Variants in PPIL2 observed in about 807,000 individuals in gnomAD.
PPIL2 encodes RING-type E3 ubiquitin-protein ligase PPIL2.
PPIL2 carries 50 observed loss-of-function variants against 75.2 expected under a neutral mutation model. The ratio of observed to expected loss-of-function variants is 0.66; its 90% CI spans 0.53 to 0.84. PPIL2 has a LOEUF of 0.84. Among genes scored for constraint, PPIL2 ranks in the 40% least tolerant of loss-of-function variants. The probability of loss-of-function intolerance (pLI) is 0.00; values close to 1 mark genes in which losing one functional copy is unlikely to be tolerated. For missense variants in PPIL2, 590 were observed against 685.0 expected, an observed-to-expected ratio of 0.86 and a Z score of 1.55; for synonymous variants, 245 against 258.8, an observed-to-expected ratio of 0.95 and a Z score of 0.51.
intron 6 of PPIL2, among the ~76,000 whole-genome samples, chr22:21,679,731 A>C (rs1235539738): frequency 1.3e-5 from 2 of 151,862 alleles, no homozygotes; most frequent in Non-Finnish European, 2.9e-5. Context: ...GCCACCTCTA[A>C]CTTGAGGCTC....
intron 1 of PPIL2, among the ~76,000 whole-genome samples, chr22:21,669,015 A>AT (rs71318713): frequency 7.6e-4 from 104 of 137,264 alleles, no homozygotes; most frequent in East Asian, 4.8e-3. Flanking sequence ...CTGGCCCTCT[A>AT]TTTTTTTTTT....
chr22:21,669,337 C>A (rs569224169), intron 1 of PPIL2: 13 of 451,932 alleles, frequency 2.9e-5, no homozygotes, highest in Non-Finnish European at 5.3e-5. Flanking sequence ...CTTGTAGAGA[C>A]AGATTCTCGC....
At chr22:21,669,795 C>T (rs1453580587) in intron 1 of PPIL2, 118 bp from the exon 2 acceptor site, 16 of 1,093,798 alleles carry the variant, frequency 1.5e-5, no homozygotes, top group Non-Finnish European at 2.0e-5. Context: ...CCACCGTGCC[C>T]GCCCCATAGT....
At chr22:21,674,320 GAC>G (rs1342584515) in intron 5 of PPIL2, among the ~76,000 whole-genome samples, 1 of 152,164 alleles carries the variant, frequency 6.6e-6, no homozygotes, top group East Asian at 1.9e-4. Context: ...CTGTACTGCA[GAC>G]ACACCACAGA....
chr22:21,693,666 A>G (rs1397498606), intron 15 of PPIL2, 150 bp from the exon 16 acceptor site: 1 of 767,732 alleles, frequency 1.3e-6, no homozygotes, highest in Admixed American at 2.0e-5. Context: ...CCTGGTGGGC[A>G]GCGCAGGGAA....
chr22:21,689,328 A>G (rs1309928614), intron 15 of PPIL2, among the ~76,000 whole-genome samples: 2 of 152,218 alleles, frequency 1.3e-5, no homozygotes, highest in Non-Finnish European at 2.9e-5. Context: ...GGATGCCTGT[A>G]TTGTGGAAGA....
intron 1 of PPIL2, among the ~76,000 whole-genome samples, chr22:21,666,454 A>C (rs1035801089): frequency 1.3e-5 from 2 of 152,068 alleles, no homozygotes; most frequent in Admixed American, 6.6e-5. Flanking sequence ...TCCGTACTTC[A>C]CGTCTCGCTG....
At chr22:21,681,712 C>T (rs1040740177) in intron 7 of PPIL2, among the ~76,000 whole-genome samples, 49 of 152,374 alleles carry the variant, frequency 3.2e-4, no homozygotes, top group African/African-American at 1.2e-3. Flanking sequence ...GTTTTGAGGA[C>T]AGGCCTCTAG....
At chr22:21,692,360 T>A (rs564066242) in intron 15 of PPIL2, among the ~76,000 whole-genome samples, 2 of 151,496 alleles carry the variant, frequency 1.3e-5, no homozygotes, top group South Asian at 2.1e-4. Flanking sequence ...TTCACCGTGT[T>A]AGCGAGGATG....
intron 1 of PPIL2, among the ~76,000 whole-genome samples, chr22:21,667,267 C>G (rs184210328): frequency 1.2e-3 from 184 of 150,300 alleles, no homozygotes; most frequent in Middle Eastern, 3.5e-3. Flanking sequence ...AGAGATTTTC[C>G]TGCCTCAGCC....
At chr22:21,679,857 G>A (rs1207727269) in intron 6 of PPIL2, among the ~76,000 whole-genome samples, 2 of 151,646 alleles carry the variant, frequency 1.3e-5, no homozygotes, top group African/African-American at 4.8e-5. Flanking sequence ...GGAGGCCAAG[G>A]TGGGCAGATC....
In PPIL2 at chr22:21,675,056, T is replaced by A. The variant is rs777112115; in HGVS notation, c.244-8T>A. ...ATTATCATTAATTATTAACTGTGCT[T>A]CTTCCAGAAGCTGGACGGGAGGTCC... On this transcript the variant is annotated splice_region_variant and splice_polypyrimidine_tract_variant and intron_variant, in intron 5 of 19. Coordinates refer to ENST00000398831, the MANE Select transcript of PPIL2 (RefSeq NM_014337.4). 1.1e-5 allele frequency: 17 copies of A among 1,605,444 alleles called. No individual in the cohort carries two copies. Among genetic ancestry groups the A allele is most frequent in the Non-Finnish European group, 1.5e-5 (17 of 1,172,312 alleles).
intron 5 of PPIL2, among the ~76,000 whole-genome samples, chr22:21,673,775 G>A (rs1022256584): frequency 6.6e-6 from 1 of 152,224 alleles, no homozygotes; most frequent in South Asian, 2.1e-4. Context: ...AGCCTTGCTA[G>A]CCAAACCTCT....
intron 9 of PPIL2, 113 bp from the exon 10 acceptor site, chr22:21,684,640 G>A (rs56116406): frequency 0.041 from 55,673 of 1,359,760 alleles, 1,350 homozygotes; most frequent in Non-Finnish European, 0.047. Flanking sequence ...CAGTGGCACG[G>A]TGCCTGCGCC....
At chr22:21,669,433 G>GA (rs2066537749) in intron 1 of PPIL2, 2 of 432,900 alleles carry the variant, frequency 4.6e-6, no homozygotes, top group South Asian at 3.2e-5. Context: ...ATAGGTGTGA[G>GA]CCACTGTGCC....
At chr22:21,666,218 C>A in intron 1 of PPIL2, 87 bp downstream of exon 1, 1 of 1,439,168 alleles carries the variant, frequency 6.9e-7, no homozygotes, top group Non-Finnish European at 9.5e-7. Flanking sequence ...CCTTCCCTCT[C>A]AGCTACTCCC....
chr22:21,696,806 C>A lies in PPIL2; in HGVS notation c.*1316C>A. 1 of 1,552,266 alleles carries A rather than the reference C, an allele frequency of 6.4e-7. No individual in the cohort carries two copies. Among genetic ancestry groups the A allele is most frequent in the Non-Finnish European group, 8.7e-7 (1 of 1,148,412 alleles). On this transcript the variant is annotated 3_prime_UTR_variant, in exon 20 of 20. Transcript: ENST00000398831. ...TCATCAATCACTGATGCTGAAGCTGCAGGCCTGAGCCCTTTGTCTCCCTGG... is the reference window on the plus strand; with the variant it reads ...TCATCAATCACTGATGCTGAAGCTGAAGGCCTGAGCCCTTTGTCTCCCTGG...
intron 14 of PPIL2, among the ~76,000 whole-genome samples, 195 bp downstream of exon 14, chr22:21,688,301 G>A (rs1351278196): frequency 1.3e-5 from 2 of 152,198 alleles, no homozygotes; most frequent in East Asian, 1.9e-4. Context: ...TGTGAGGCCT[G>A]CATGGTAGAG....
chr22:21,681,900 A>G (rs2148535320), intron 7 of PPIL2, among the ~76,000 whole-genome samples: 1 of 152,238 alleles, frequency 6.6e-6, no homozygotes, highest in South Asian at 2.1e-4. Context: ...GGGAAAGCCG[A>G]CCTTTGCGCC....
Sources: allele counts gnomAD v4.1 joint callset (sites outside exome capture counted in the v4.1 genomes callset), GRCh38; gene constraint gnomAD v4.1.1; transcripts MANE v1.5; gene names NCBI Gene and HGNC (gene_info 2026-07-23, HGNC 2026-07-21).